CD99L2: variants seen among roughly 807,000 people sequenced by gnomAD.
CD99L2 encodes CD99 molecule like 2.
In CD99L2, 24 loss-of-function variants were observed where a neutral mutation model predicts 27.3. The ratio of observed to expected loss-of-function variants is 0.88; its 90% CI spans 0.64 to 1.24. The LOEUF is 1.24. Ranked by LOEUF, CD99L2 falls within the 50% of genes most tolerant of loss-of-function variation. The pLI is 0.00. For synonymous variants in CD99L2, 97 were observed against 87.9 expected (o/e 1.10, Z -0.58); for missense variants, 255 against 221.6 (o/e 1.15, Z -0.96).
At chrX:150,842,178 A>G (rs1557421367) in intron 1 of CD99L2, among the ~76,000 whole-genome samples, 1 of 111,982 alleles carries the variant, frequency 8.9e-6, no homozygotes, top group Non-Finnish European at 1.9e-5. Flanking sequence ...AGCTGATAAT[A>G]CTTCTCTGAA....
intron 6 of CD99L2, 126 bp downstream of exon 6, chrX:150,795,080 T>C: frequency 1.3e-6 from 1 of 747,742 alleles, no homozygotes; most frequent in Non-Finnish European, 2.0e-6. Context: ...CCAAAAAAGT[T>C]TGAGTACCAC....
intron 7 of CD99L2, among the ~76,000 whole-genome samples, chrX:150,782,190 G>T (rs1417271686): frequency 1.8e-5 from 2 of 112,446 alleles, no homozygotes; most frequent in Non-Finnish European, 3.8e-5. Context: ...TTTTAGAAAT[G>T]TATTTTCATT....
At chrX:150,863,957 G>C (rs1433042471) in intron 1 of CD99L2, among the ~76,000 whole-genome samples, 1 of 111,767 alleles carries the variant, frequency 8.9e-6, no homozygotes, top group African/African-American at 3.3e-5. Flanking sequence ...CTTCTACTTA[G>C]AGCCTTCAGG....
intron 1 of CD99L2, among the ~76,000 whole-genome samples, chrX:150,854,136 G>A (rs1401821886): frequency 1.8e-5 from 2 of 111,127 alleles, no homozygotes; most frequent in African/African-American, 6.6e-5. Context: ...GAGGAGACCA[G>A]TCCTCTTTCT....
At chrX:150,786,576 A>G (rs1188784771) in intron 7 of CD99L2, among the ~76,000 whole-genome samples, 2 of 111,499 alleles carry the variant, frequency 1.8e-5, no homozygotes, top group Non-Finnish European at 3.8e-5. Context: ...GCTGTGTAGT[A>G]TTTCCTGGTA....
chrX:150,895,988 T>C (rs1435433974), intron 1 of CD99L2, among the ~76,000 whole-genome samples: 1 of 94,499 alleles, frequency 1.1e-5, no homozygotes, highest in Non-Finnish European at 2.0e-5. Flanking sequence ...ATCGCGCCAC[T>C]GCACTCTAGT....
intron 1 of CD99L2, among the ~76,000 whole-genome samples, chrX:150,864,009 C>T (rs141478558): frequency 1.9e-3 from 213 of 112,201 alleles, no homozygotes; most frequent in African/African-American, 6.7e-3. Flanking sequence ...AGACTTCTAG[C>T]CTCCAGAGTT....
At chrX:150,837,508 A>C (rs2046551445) in intron 1 of CD99L2, among the ~76,000 whole-genome samples, 1 of 111,787 alleles carries the variant, frequency 8.9e-6, no homozygotes, top group African/African-American at 3.3e-5. Flanking sequence ...TTGGCCTCCC[A>C]AAGTGCTGGG....
At chrX:150,818,782 C>T (rs1472694042) in intron 2 of CD99L2, 2 of 296,853 alleles carry the variant, frequency 6.7e-6, no homozygotes, top group African/African-American at 2.7e-5. Context: ...TTGACACCGT[C>T]GCTGTCTAAG....
rs1361842485 is a variant in CD99L2 at position 150,824,450 on chromosome X, GAAGAAGA to G, written c.130+6774_130+6780del. Among the ~76,000 whole-genome samples the G allele has an allele frequency of 1.5e-4, 15 of 96,955 alleles. No individual in the cohort carries two copies. The East Asian group carries it at 2.0e-3, about 13-fold the overall frequency. 84.2% of individuals were successfully genotyped at this position (96,955 alleles called of 115,157 possible). A position where few individuals can be genotyped will look rare whatever the true frequency, so the allele number is the denominator to read the frequency against. The stretch of plus-strand genomic sequence containing the variant: ...GAGAAGAAGAAGAAAGAAGAAAGAA[GAAGAAGA>G]AAGAAGAAAGAAGAAGAAGAAAGAA... On this transcript the variant is annotated intron_variant, in intron 2 of 10. Transcript: ENST00000370377.
rs1557418815 is a variant in CD99L2 at position 150,768,769 on chromosome X, G to C, written c.*265C>G. The C allele has an allele frequency of 1.9e-6, 1 of 528,728 alleles. No homozygotes were observed. Among genetic ancestry groups the C allele is most frequent in the Non-Finnish European group, 2.7e-6 (1 of 375,809 alleles). The allele number at this position is 528,728 out of a possible 1,213,427, so 43.6% of individuals were successfully genotyped here. A position where few individuals can be genotyped will look rare whatever the true frequency, so the allele number is the denominator to read the frequency against. On this transcript the variant is annotated 3_prime_UTR_variant, in exon 11 of 11. Transcript: ENST00000370377. ...TAAAGCTGGAGGCAGGCTGGCTTTGGGAGTTGGTGGCTCAGCAGCTCCCGA... is the reference window on the plus strand; with the variant it reads ...TAAAGCTGGAGGCAGGCTGGCTTTGCGAGTTGGTGGCTCAGCAGCTCCCGA...
intron 4 of CD99L2, among the ~76,000 whole-genome samples, chrX:150,812,202 T>C (rs1557420370): frequency 9.0e-6 from 1 of 111,392 alleles, no homozygotes; most frequent in African/African-American, 3.3e-5. Context: ...AAGGAAAAAT[T>C]GACAAACTGA....
At chrX:150,772,476 G>A (rs2043477154) in intron 9 of CD99L2, among the ~76,000 whole-genome samples, 2 of 112,545 alleles carry the variant, frequency 1.8e-5, no homozygotes, top group Admixed American at 9.3e-5. Flanking sequence ...GGAAGTGAAA[G>A]GCCTCTGGGA....
In CD99L2 at chrX:150,898,626, T is replaced by A; in HGVS notation, c.-38A>T. ...GCGGAGGGCCCCGGAGGAGCACAGT[T>A]AGCGCGAGAGCGCCCGAAGGGGAGG... On this transcript the variant is annotated 5_prime_UTR_variant, in exon 1 of 11. Coordinates refer to ENST00000370377, the MANE Select transcript of CD99L2 (RefSeq NM_031462.4). The A allele has an allele frequency of 9.4e-7, 1 of 1,065,645 alleles. No individual in the cohort carries two copies. Among genetic ancestry groups the A allele is most frequent in the Non-Finnish European group, 1.2e-6 (1 of 822,868 alleles). 87.8% of individuals were successfully genotyped at this position (1,065,645 alleles called of 1,213,427 possible). A position where few individuals can be genotyped will look rare whatever the true frequency, so the allele number is the denominator to read the frequency against.
intron 1 of CD99L2, among the ~76,000 whole-genome samples, chrX:150,863,602 T>G (rs1557421966): frequency 8.9e-6 from 1 of 111,878 alleles, no homozygotes; most frequent in Admixed American, 9.5e-5. Flanking sequence ...TTTGTTTGCT[T>G]GTTTGTTTGT....
At chrX:150,840,600 G>T (rs1242319377) in intron 1 of CD99L2, among the ~76,000 whole-genome samples, 3 of 111,423 alleles carry the variant, frequency 2.7e-5, no homozygotes, top group Non-Finnish European at 5.7e-5. Context: ...TAGAGATGGG[G>T]TCTCACTATG....
chrX:150,845,677 C>T (rs186022542), intron 1 of CD99L2, among the ~76,000 whole-genome samples: 24 of 111,637 alleles, frequency 2.1e-4, no homozygotes, highest in African/African-American at 6.8e-4. Flanking sequence ...TCACTTGATC[C>T]CATAGGAGTG....
At chrX:150,823,852 T>C (rs1258989493) in intron 2 of CD99L2, among the ~76,000 whole-genome samples, 2 of 110,409 alleles carry the variant, frequency 1.8e-5, no homozygotes, top group Admixed American at 9.7e-5. Context: ...AATGGGTTAA[T>C]TCATTCATGA....
intron 4 of CD99L2, among the ~76,000 whole-genome samples, chrX:150,797,195 T>TA (rs200923686): frequency 5.5e-5 from 6 of 109,406 alleles, no homozygotes; most frequent in South Asian, 3.8e-4. Context: ...AATGCAATAC[T>TA]AAAAAAAAAT....
Sources: gnomAD v4.1 joint callset for allele counts (sites outside exome capture counted in the v4.1 genomes callset) on GRCh38, gnomAD v4.1.1 for gene constraint, MANE v1.5 for transcripts, NCBI Gene and HGNC (gene_info 2026-07-23, HGNC 2026-07-21) for gene names.